The following PPP1R16A variants were observed in gnomAD, a reference collection of about 807,000 sequenced individuals.
The protein encoded by PPP1R16A is protein phosphatase 1 regulatory subunit 16A.
In PPP1R16A, 39 loss-of-function variants were observed where a neutral mutation model predicts 46.6. The ratio of observed to expected loss-of-function variants is 0.84; its 90% CI spans 0.65 to 1.09. PPP1R16A has a LOEUF of 1.09. Ranked by LOEUF, PPP1R16A falls within the 50% of genes least tolerant of loss-of-function variation. PPP1R16A has a pLI of 0.00. For synonymous variants in PPP1R16A, 413 were observed against 321.5 expected, an observed-to-expected ratio of 1.28 and a Z score of -3.04; for missense variants, 798 against 735.6, an observed-to-expected ratio of 1.08 and a Z score of -0.98.
intron 1 of PPP1R16A, among the ~76,000 whole-genome samples, chr8:144,481,080 C>T (rs865862019): frequency 4.9e-4 from 73 of 149,350 alleles, no homozygotes; most frequent in African/African-American, 1.5e-3. Context: ...TTAGTAGAGT[C>T]GGGGTTTCAC....
chr8:144,500,445 G>C, intron 7 of PPP1R16A, 42 bp from the exon 8 acceptor site: 1 of 1,541,850 alleles, frequency 6.5e-7, no homozygotes, highest in East Asian at 2.4e-5. Context: ...CTACTTGGAG[G>C]TGGGGGATGG....
Position 144,497,141 on chromosome 8 carries a change from C to G in PPP1R16A, c.-54C>G. The G allele has an allele frequency of 6.5e-7, 1 of 1,537,286 alleles. No individual in the cohort carries two copies. Among genetic ancestry groups the G allele is most frequent in the Non-Finnish European group, 8.7e-7 (1 of 1,145,948 alleles). On this transcript the variant is annotated 5_prime_UTR_variant, in exon 3 of 12. Transcript: ENST00000435887. ...CCACCCCTCAGGCCCAGCCTGGCCCCCAAGCTCCCCACTCTGGTGCCCCGA... is the reference window on the plus strand; with the variant it reads ...CCACCCCTCAGGCCCAGCCTGGCCCGCAAGCTCCCCACTCTGGTGCCCCGA...
At chr8:144,498,568 G>T in intron 3 of PPP1R16A, 1 of 559,242 alleles carries the variant, frequency 1.8e-6, no homozygotes, top group Non-Finnish European at 3.1e-6. Context: ...GCAGGTGGGT[G>T]GAGGCAGAGG....
At chr8:144,479,889 A>G (rs1218516235) in intron 1 of PPP1R16A, among the ~76,000 whole-genome samples, 1 of 152,268 alleles carries the variant, frequency 6.6e-6, no homozygotes, top group East Asian at 1.9e-4. Context: ...AGAGCCTTCC[A>G]TGTCACATCC....
In PPP1R16A at chr8:144,501,941, C is replaced by T. The variant is rs1302552190; in HGVS notation, c.*38C>T. 1.4e-5 allele frequency: 20 copies of T among 1,468,090 alleles called. No homozygotes were observed. Among genetic ancestry groups the T allele is most frequent in the Non-Finnish European group, 1.7e-5 (19 of 1,112,296 alleles). 90.9% of individuals were successfully genotyped at this position (1,468,090 alleles called of 1,614,324 possible). On this transcript the variant is annotated 3_prime_UTR_variant, in exon 12 of 12. Coordinates refer to ENST00000435887, the MANE Select transcript of PPP1R16A (RefSeq NM_001329443.2). ...GCATGCAGGGGCCCTGTCGCGGGCA[C>T]AGCCCAAGGCTGCCTCCCCACGGTG...
intron 3 of PPP1R16A, chr8:144,498,390 A>G (rs909388289): frequency 3.1e-6 from 1 of 327,586 alleles, no homozygotes; most frequent in Non-Finnish European, 6.0e-6. Context: ...GCTCATGAAC[A>G]CAGGGCTGGC....
At chr8:144,501,362 C>T (rs1826455064) in intron 11 of PPP1R16A, 68 bp downstream of exon 11, 1 of 1,509,256 alleles carries the variant, frequency 6.6e-7, no homozygotes, top group Admixed American at 2.1e-5. Context: ...TCTCTCTCCG[C>T]TTGGACCCCC....
rs1826355069 is a variant in PPP1R16A at position 144,500,329 on chromosome 8, A to G, written c.643A>G (p.Ile215Val). 1.3e-6 allele frequency: 2 copies of G among 1,538,472 alleles called. No homozygotes were observed. Among genetic ancestry groups the G allele is most frequent in the Non-Finnish European group, 1.7e-6 (2 of 1,146,380 alleles). Reference protein sequence around the residue: ...AVPELRMLDDIRSRLQAGADL... With the variant: ...AVPELRMLDDVRSRLQAGADL... Reference sequence around the variant, plus strand: ...GCCAGAACTGCGCATGCTGGACGACATCCGGAGCCGGCTGCAGGCCGGGGC... The same window carrying G: ...GCCAGAACTGCGCATGCTGGACGACGTCCGGAGCCGGCTGCAGGCCGGGGC... Residue 215 changes from isoleucine (I) to valine (V), a missense_variant, in exon 7 of 12, where the codon ATC becomes GTC. Transcript: ENST00000435887.
At chr8:144,480,248 G>T (rs1407625259) in intron 1 of PPP1R16A, among the ~76,000 whole-genome samples, 1 of 152,224 alleles carries the variant, frequency 6.6e-6, no homozygotes, top group African/African-American at 2.4e-5. Flanking sequence ...TAGACCAGGG[G>T]TTGGCCAGCT....
chr8:144,500,568 C>G lies in PPP1R16A; in HGVS notation c.787C>G (p.Gln263Glu). The G allele has an allele frequency of 6.3e-7, 1 of 1,598,362 alleles. No homozygotes were observed. The highest frequency in any genetic ancestry group is 8.5e-7 in the Non-Finnish European group (1 of 1,179,132). Reference protein sequence around the residue: ...EHRASLSAKDQDGWEPLHAAA... With the variant: ...EHRASLSAKDEDGWEPLHAAA... Reference sequence around the variant, plus strand: ...CCGAGCCAGCCTGAGCGCTAAGGACCAAGACGGCTGGGAGCCGCTGCACGC... The same window carrying G: ...CCGAGCCAGCCTGAGCGCTAAGGACGAAGACGGCTGGGAGCCGCTGCACGC... Residue 263 changes from glutamine to glutamate, a missense_variant, in exon 8 of 12, where the codon CAA becomes GAA. Gln to Glu is a conservative substitution (Grantham distance 29, BLOSUM62 2). Coordinates refer to ENST00000435887, the MANE Select transcript of PPP1R16A (RefSeq NM_001329443.2).
intron 2 of PPP1R16A, chr8:144,495,744 A>G (rs954522639): frequency 6.6e-6 from 1 of 152,410 alleles, no homozygotes; most frequent in Non-Finnish European, 1.5e-5. Context: ...CCAAGCACAG[A>G]GTGCCTTCTG....
Position 144,481,800 on chromosome 8 carries a change from C to A in PPP1R16A, c.-914+3673C>A, listed in dbSNP as rs1825438519. Among the ~76,000 whole-genome samples, 3 of 151,914 alleles carry A rather than the reference C, an allele frequency of 2.0e-5. No individual in the cohort carries two copies. In the South Asian group the frequency reaches 6.2e-4, roughly 31 times the overall value. Reference sequence around the variant, plus strand: ...TTTTTTCTTTTTTGTTTTTTTGAGACAGAGTCTTGCTCTGTTGCCCAGGCG... The same window carrying A: ...TTTTTTCTTTTTTGTTTTTTTGAGAAAGAGTCTTGCTCTGTTGCCCAGGCG... On this transcript the variant is annotated intron_variant, in intron 1 of 11. Coordinates refer to ENST00000435887, the MANE Select transcript of PPP1R16A (RefSeq NM_001329443.2).
At chr8:144,479,684 C>T (rs1671715179) in intron 1 of PPP1R16A, among the ~76,000 whole-genome samples, 1 of 152,170 alleles carries the variant, frequency 6.6e-6, no homozygotes, top group Non-Finnish European at 1.5e-5. Context: ...CCACAGACTA[C>T]CAGCACCCCC....
intron 2 of PPP1R16A, among the ~76,000 whole-genome samples, chr8:144,492,415 A>G (rs1825849336): frequency 6.7e-6 from 1 of 149,422 alleles, no homozygotes; most frequent in African/African-American, 2.5e-5. Flanking sequence ...AGCTCAGTGC[A>G]AGCTCCGCCT....
chr8:144,500,371 C>T lies in PPP1R16A; in HGVS notation c.685C>T (p.Leu229=). 2 of 1,531,722 alleles carry T rather than the reference C, an allele frequency of 1.3e-6. No homozygotes were observed. Among genetic ancestry groups the T allele is most frequent in the South Asian group, 1.2e-5 (1 of 83,630 alleles). 94.9% of individuals were successfully genotyped at this position (1,531,722 alleles called of 1,614,324 possible). ...LQAGADLHAP[L]DHGATLLHVA... ...GGCCGGGGCAGACCTCCATGCCCCC[C>T]TGGACCACGGGGCCACGCTGGTGAG... The change falls in exon 7 of 12, where the codon CTG becomes TTG. Residue 229 remains leucine (L), a synonymous_variant. Transcript: ENST00000435887.
intron 2 of PPP1R16A, among the ~76,000 whole-genome samples, chr8:144,491,309 T>C (rs565169185): frequency 6.6e-6 from 1 of 152,104 alleles, no homozygotes; most frequent in Admixed American, 6.5e-5. Flanking sequence ...CTCATAGATA[T>C]TGCTACAAAT....
At position 144,500,618 on chromosome 8, in the gene PPP1R16A, T is replaced by G. The variant is rs1826376789; in HGVS notation, c.831+6T>G. 1.9e-6 allele frequency: 3 copies of G among 1,601,796 alleles called. No homozygotes were observed. The highest frequency in any genetic ancestry group is 2.5e-6 in the Non-Finnish European group (3 of 1,179,010). On this transcript the variant is annotated splice_donor_region_variant and intron_variant, in intron 8 of 11. Transcript: ENST00000435887. ...CCGCGGCCTACTGGGGCCAGGTGAG[T>G]GCGGGCGGGAGCAGGTGGGAGGGGG... is the stretch of plus-strand genomic sequence containing the variant.
At chr8:144,491,285 T>G (rs1441542213) in intron 2 of PPP1R16A, among the ~76,000 whole-genome samples, 1 of 152,050 alleles carries the variant, frequency 6.6e-6, no homozygotes, top group African/African-American at 2.4e-5. Context: ...ATTTTCCCAT[T>G]TTTTGCTCCG....
rs1826489976 is a variant in PPP1R16A, at chr8:144,501,643, A to G, written c.1327A>G (p.Thr443Ala). 1.2e-6 allele frequency: 2 copies of G among 1,607,614 alleles called. No homozygotes were observed. Among genetic ancestry groups the G allele is most frequent in the Admixed American group, 1.7e-5 (1 of 59,558 alleles). Reference protein sequence around the residue: ...SYQLSPLDSTTPHTLVHDKAH... With the variant: ...SYQLSPLDSTAPHTLVHDKAH... ...CCAGCTGAGCCCCCTGGACAGCACC[A>G]CCCCCCACACCCTGGTCCACGACAA... The change falls in exon 12 of 12, where the codon ACC (threonine) becomes GCC (alanine). Residue 443 changes from threonine to alanine, a missense_variant. By Grantham distance (58) the Thr-to-Ala change is moderately conservative. Transcript: ENST00000435887.
Sources: allele counts gnomAD v4.1 joint callset (sites outside exome capture counted in the v4.1 genomes callset), GRCh38; gene constraint gnomAD v4.1.1; transcripts MANE v1.5; gene names NCBI Gene and HGNC (gene_info 2026-07-23, HGNC 2026-07-21).